The following TEX2 variants were observed in gnomAD, a reference collection of about 807,000 sequenced individuals.
TEX2 encodes the protein testis-expressed protein 2.
A neutral mutation model predicts 106.9 loss-of-function variants in TEX2; 53 were observed. That is an observed-to-expected ratio of 0.50 (90% CI 0.40 to 0.62). The LOEUF is 0.62. TEX2 is among the 20% of genes least tolerant of loss of function. The probability of loss-of-function intolerance (pLI) is 0.00; values close to 1 mark genes in which losing one functional copy is unlikely to be tolerated. For missense variants in TEX2, 1,207 were observed against 1,379.0 expected (o/e 0.88, Z 1.98); for synonymous variants, 523 against 534.8 (o/e 0.98, Z 0.30).
intron 1 of TEX2, among the ~76,000 whole-genome samples, chr17:64,228,130 T>C (rs2033556857): frequency 6.6e-6 from 1 of 152,010 alleles, no homozygotes; most frequent in Non-Finnish European, 1.5e-5. Flanking sequence ...AATGAGAGAG[T>C]TGAACCATAT....
rs747278435 is a variant in TEX2 at position 64,154,835 on chromosome 17, C to CA, written c.2930+6dup. The stretch of plus-strand genomic sequence containing the variant: ...ACTCAGAGGCACAGAAGCACTGATC[C>CA]ACTCACCCTTCAGCCCCTGGGAGGA... On this transcript the variant is annotated splice_region_variant and intron_variant, in intron 9 of 11. Transcript: ENST00000584379. 9.4e-6 allele frequency: 15 copies of CA among 1,589,754 alleles called. No individual in the cohort carries two copies. Among genetic ancestry groups the CA allele is most frequent in the Non-Finnish European group, 1.2e-5 (14 of 1,168,544 alleles).
intron 2 of TEX2, among the ~76,000 whole-genome samples, chr17:64,201,568 T>C (rs2032660832): frequency 6.6e-6 from 1 of 152,162 alleles, no homozygotes; most frequent in Non-Finnish European, 1.5e-5. Flanking sequence ...TTCCAATGTC[T>C]ACAGAGTGGC....
intron 5 of TEX2, among the ~76,000 whole-genome samples, chr17:64,182,569 T>G (rs1488015634): frequency 6.6e-6 from 1 of 152,118 alleles, no homozygotes; most frequent in African/African-American, 2.4e-5. Context: ...TTTAGAACAT[T>G]TTCGTCACTC....
At position 64,154,977 on chromosome 17, in the gene TEX2, G is replaced by A; in HGVS notation, c.2805-10C>T. 6.4e-7 allele frequency: 1 copy of A among 1,565,826 alleles called. No individual in the cohort carries two copies. Among genetic ancestry groups the A allele is most frequent in the Non-Finnish European group, 8.6e-7 (1 of 1,159,682 alleles). Reference sequence around the variant, plus strand: ...TGCCCGGGGCCTGCAACTGGACAGAGAGAGAGTCACCACCACTGCCTGCCC... The same window carrying A: ...TGCCCGGGGCCTGCAACTGGACAGAAAGAGAGTCACCACCACTGCCTGCCC... On this transcript the variant is annotated splice_polypyrimidine_tract_variant and intron_variant, in intron 8 of 11. Coordinates refer to ENST00000584379, the MANE Select transcript of TEX2 (RefSeq NM_001288732.2).
chr17:64,239,904 A>AAAAAAAAAAAAG lies in TEX2; in HGVS notation c.-26+23263_-26+23264insCTTTTTTTTTTT, dbSNP rs781859721. On this transcript the variant is annotated intron_variant, in intron 1 of 11. Coordinates refer to ENST00000584379, the MANE Select transcript of TEX2 (RefSeq NM_001288732.2). ...AAAAAAAAAAAAAAAAAAAAAAAAA[A>AAAAAAAAAAAAG]GCAGAGAAGATAAGAGAAGAGAAAT... 6.4e-4 allele frequency among the ~76,000 whole-genome samples: 76 copies of AAAAAAAAAAAAG among 118,848 alleles called. 3 individuals carry two copies. Among genetic ancestry groups the AAAAAAAAAAAAG allele is most frequent in the South Asian group, 4.2e-3 (15 of 3,582 alleles). 78.0% of individuals were successfully genotyped at this position (118,848 alleles called of 152,430 possible). A position where few individuals can be genotyped will look rare whatever the true frequency, so the allele number is the denominator to read the frequency against.
intron 1 of TEX2, among the ~76,000 whole-genome samples, chr17:64,255,304 T>G (rs1025476476): frequency 1.3e-5 from 2 of 152,350 alleles, no homozygotes; most frequent in Admixed American, 1.3e-4. Context: ...AGGTTTCCAC[T>G]AAATGTTCAT....
At chr17:64,241,382 G>A (rs1454316789) in intron 1 of TEX2, among the ~76,000 whole-genome samples, 1 of 152,164 alleles carries the variant, frequency 6.6e-6, no homozygotes, top group Non-Finnish European at 1.5e-5. Context: ...AGATATGGCT[G>A]GGTCTCTCTC....
chr17:64,219,305 A>G (rs1762456210), intron 1 of TEX2, among the ~76,000 whole-genome samples: 1 of 152,082 alleles, frequency 6.6e-6, no homozygotes, highest in East Asian at 1.9e-4. Flanking sequence ...CAGGAATTCG[A>G]GACCAGCCTG....
rs782567560 is a variant in TEX2, at chr17:64,213,306, G to T, written c.912C>A (p.Leu304=). 6.2e-7 allele frequency: 1 copy of T among 1,614,066 alleles called. No homozygotes were observed. Among genetic ancestry groups the T allele is most frequent in the Middle Eastern group, 1.6e-4 (1 of 6,062 alleles). Residue 304 remains leucine, a synonymous_variant, in exon 2 of 12, where the codon CTC becomes CTA. Coordinates refer to ENST00000584379, the MANE Select transcript of TEX2 (RefSeq NM_001288732.2). This position sits in a 1 kb window ranked among gnomAD's most constrained non-coding sequence, Gnocchi z 4.4. ...TTTCTTCCCCTATAATTTTACTAAGGAGCTGAAAAGGCTCATAGATGACTT... is the reference window on the plus strand; with the variant it reads ...TTTCTTCCCCTATAATTTTACTAAGTAGCTGAAAAGGCTCATAGATGACTT... The part of the protein sequence containing the change: ...LSEVIYEPFQ[L]LSKIIGEESG...
rs552031244 is a variant in TEX2, at chr17:64,211,270, T to C, written c.1644+1304A>G. On this transcript the variant is annotated intron_variant, in intron 2 of 11. Coordinates refer to ENST00000584379, the MANE Select transcript of TEX2 (RefSeq NM_001288732.2). ...GCCACCATGCCCAGCCTCTATTACTTATTAAGTAGCAAGACACCTTGGACA... is the reference window on the plus strand; with the variant it reads ...GCCACCATGCCCAGCCTCTATTACTCATTAAGTAGCAAGACACCTTGGACA... Among the ~76,000 whole-genome samples, 28 of 152,266 alleles carry C rather than the reference T, an allele frequency of 1.8e-4. No homozygotes were observed. In the South Asian group the frequency reaches 5.8e-3, roughly 32 times the overall value.
In TEX2 at chr17:64,150,835, G is replaced by A. The variant is rs549747573; in HGVS notation, c.3261+6C>T. Reference sequence around the variant, plus strand: ...TGTGAAATACTAGATAACACTAGAGGTTTACCTGAAACTCTTGCTCCAGTT... The same window carrying A: ...TGTGAAATACTAGATAACACTAGAGATTTACCTGAAACTCTTGCTCCAGTT... On this transcript the variant is annotated splice_donor_region_variant and intron_variant, in intron 11 of 11. Coordinates refer to ENST00000584379, the MANE Select transcript of TEX2 (RefSeq NM_001288732.2). 1 of 1,612,500 alleles carries A rather than the reference G, an allele frequency of 6.2e-7. No individual in the cohort carries two copies. Among genetic ancestry groups the A allele is most frequent in the South Asian group, 1.1e-5 (1 of 90,666 alleles).
intron 6 of TEX2, 147 bp from the exon 7 acceptor site, chr17:64,171,346 T>G (rs576578514): frequency 3.0e-6 from 2 of 662,838 alleles, no homozygotes; most frequent in Non-Finnish European, 5.4e-6. Context: ...GCACACATCA[T>G]GTACTAGGCT....
In TEX2 at chr17:64,205,230, T is replaced by C. The variant is rs1376077217; in HGVS notation, c.1644+7344A>G. On this transcript the variant is annotated intron_variant, in intron 2 of 11. Coordinates refer to ENST00000584379, the MANE Select transcript of TEX2 (RefSeq NM_001288732.2). The surrounding 1 kb of genome is among the most constrained non-coding windows in gnomAD (Gnocchi z 4.0). ...AACTCTGGAGGCTGAGGCAGGAGAA[T>C]TGCCTGAACCCGGGAGGCAGAGGTT... 3.3e-5 allele frequency among the ~76,000 whole-genome samples: 5 copies of C among 152,160 alleles called. No homozygotes were observed. The highest frequency in any genetic ancestry group is 1.9e-4 in the East Asian group (1 of 5,200).
intron 2 of TEX2, among the ~76,000 whole-genome samples, chr17:64,204,570 T>G (rs2032770561): frequency 6.6e-6 from 1 of 152,216 alleles, no homozygotes; most frequent in Non-Finnish European, 1.5e-5. Flanking sequence ...TCTTCTTGAT[T>G]AGTGTCTTCT....
chr17:64,176,984 CAATTTAAGTTCATTTCCA>C (rs1377591393), intron 6 of TEX2, among the ~76,000 whole-genome samples: 3 of 152,152 alleles, frequency 2.0e-5, no homozygotes, highest in Non-Finnish European at 4.4e-5. Context: ...TCTGGATGTA[CAATTTAAGTTCATTTCCA>C]ACTTAAAAAT....
intron 1 of TEX2, among the ~76,000 whole-genome samples, chr17:64,253,733 GA>G (rs1555637329): frequency 6.6e-6 from 1 of 152,140 alleles, no homozygotes; most frequent in African/African-American, 2.4e-5. Context: ...GTAGTGAGGA[GA>G]AATGTCAATT....
At chr17:64,240,695 C>G (rs782320825) in intron 1 of TEX2, among the ~76,000 whole-genome samples, 3 of 152,262 alleles carry the variant, frequency 2.0e-5, no homozygotes, top group Non-Finnish European at 2.9e-5. Context: ...TGTCTGTCTC[C>G]TTGGATGGCT....
At position 64,195,668 on chromosome 17, in the gene TEX2, T is replaced by A. The variant is rs2068163; in HGVS notation, c.1645-573A>T. ...CATCGTAAATATAATCAATAATATA[T>A]CAAAATTCAAAGATACATAGTAACT... On this transcript the variant is annotated intron_variant, in intron 2 of 11. Coordinates refer to ENST00000584379, the MANE Select transcript of TEX2 (RefSeq NM_001288732.2). This position sits in a 1 kb window ranked among gnomAD's most constrained non-coding sequence, Gnocchi z 4.1. Among the ~76,000 whole-genome samples the A allele has an allele frequency of 0.074, 11,203 of 152,302 alleles. 513 individuals are homozygous for A. Among genetic ancestry groups the A allele is most frequent in the Non-Finnish European group, 0.11 (7,309 of 68,024 alleles).
chr17:64,202,080 GA>G (rs1249591945), intron 2 of TEX2, among the ~76,000 whole-genome samples: 1 of 140,020 alleles, frequency 7.1e-6, no homozygotes, highest in African/African-American at 2.5e-5. Flanking sequence ...TTCTAAAAAA[GA>G]AAAACCAAGG....
Sources: gnomAD v4.1 joint callset for allele counts (sites outside exome capture counted in the v4.1 genomes callset) on GRCh38, gnomAD v4.1.1 for gene constraint, Gnocchi (gnomAD v3.1) non-coding constraint, MANE v1.5 for transcripts, NCBI Gene and HGNC (gene_info 2026-07-23, HGNC 2026-07-21) for gene names.